PHF21A: variants seen among roughly 807,000 people sequenced by gnomAD.
The protein encoded by PHF21A is PHD finger protein 21A.
A neutral mutation model predicts 82.5 loss-of-function variants in PHF21A; 11 were observed. The ratio of observed to expected loss-of-function variants is 0.13; its 90% CI spans 0.08 to 0.22. The LOEUF is 0.22. Among genes scored for constraint, PHF21A ranks in the 10% least tolerant of loss-of-function variants. The pLI is 1.00. For missense variants in PHF21A, 579 were observed against 837.8 expected, an observed-to-expected ratio of 0.69 and a Z score of 3.81; for synonymous variants, 297 against 302.8, an observed-to-expected ratio of 0.98 and a Z score of 0.20.
intron 6 of PHF21A, among the ~76,000 whole-genome samples, chr11:46,059,404 G>A (rs1181371220): frequency 6.6e-6 from 1 of 152,154 alleles, no homozygotes; most frequent in East Asian, 1.9e-4. Context: ...AAAATAATAA[G>A]TACAATACCA....
intron 18 of PHF21A, 48 bp from the exon 19 acceptor site, chr11:45,934,273 C>G (rs1466365167): frequency 1.3e-6 from 2 of 1,573,066 alleles, no homozygotes; most frequent in African/African-American, 2.7e-5. Flanking sequence ...TGGTTTCTAA[C>G]AGGCCTGGCA....
At position 46,026,997 on chromosome 11, in the gene PHF21A, T is replaced by C. The variant is rs140345318; in HGVS notation, c.154-47031A>G. The C allele has an allele frequency of 3.3e-5, 5 of 152,286 alleles. No homozygotes were observed. In the East Asian group the frequency reaches 7.7e-4, roughly 24 times the overall value. The allele number at this position is 152,286 out of a possible 1,614,324, so 9.4% of individuals were successfully genotyped here. A position where few individuals can be genotyped will look rare whatever the true frequency, so the allele number is the denominator to read the frequency against. On this transcript the variant is annotated intron_variant, in intron 6 of 18. Transcript: ENST00000676320. Reference sequence around the variant, plus strand: ...CTCCATTTTTATGTAGGAAAAGGAATCCTTTTCTGAAAAATTAAAAGTCTG... The same window carrying C: ...CTCCATTTTTATGTAGGAAAAGGAACCCTTTTCTGAAAAATTAAAAGTCTG...
intron 6 of PHF21A, among the ~76,000 whole-genome samples, chr11:45,991,210 A>G (rs963614691): frequency 1.3e-5 from 2 of 152,174 alleles, no homozygotes; most frequent in African/African-American, 4.8e-5. Context: ...ATGGTTTGAT[A>G]GTTCATTTCT....
At position 45,938,328 on chromosome 11, in the gene PHF21A, G is replaced by A. The variant is rs375318501; in HGVS notation, c.1453-16C>T. The A allele has an allele frequency of 4.6e-5, 73 of 1,596,216 alleles. No individual in the cohort carries two copies. The highest frequency in any genetic ancestry group is 6.0e-5 in the Non-Finnish European group (70 of 1,170,978). ...GAATATCACCCTATAAAGTTGAGAG[G>A]AAAGGTAAGAAAAAGGACAAAAAAG... is the stretch of plus-strand genomic sequence containing the variant. On this transcript the variant is annotated splice_polypyrimidine_tract_variant and intron_variant, in intron 15 of 18. Coordinates refer to ENST00000676320, the MANE Select transcript of PHF21A (RefSeq NM_001352027.3).
Position 46,024,450 on chromosome 11 carries a change from G to A in PHF21A, c.154-44484C>T, listed in dbSNP as rs537426066. 2.6e-5 allele frequency among the ~76,000 whole-genome samples: 4 copies of A among 152,148 alleles called. No individual in the cohort carries two copies. The South Asian group carries it at 8.3e-4, about 32-fold the overall frequency. On this transcript the variant is annotated intron_variant, in intron 6 of 18. Coordinates refer to ENST00000676320, the MANE Select transcript of PHF21A (RefSeq NM_001352027.3). ...ATGTAATATTAAGCTTCTCTCTGAT[G>A]TGGCCACCTAGTTTAGATTCTCTTC... is the stretch of plus-strand genomic sequence containing the variant.
At chr11:45,990,416 G>A (rs530597403) in intron 6 of PHF21A, among the ~76,000 whole-genome samples, 141 of 151,556 alleles carry the variant, frequency 9.3e-4, no homozygotes, top group African/African-American at 3.2e-3. Context: ...GCACCACCAC[G>A]CCCGGCTAAT....
At chr11:46,000,923 A>AT (rs2095103553) in intron 6 of PHF21A, among the ~76,000 whole-genome samples, 1 of 151,904 alleles carries the variant, frequency 6.6e-6, no homozygotes, top group South Asian at 2.1e-4. Flanking sequence ...TCCGTCTCAA[A>AT]AAAATAAATA....
chr11:46,106,790 A>G (rs1218317593), intron 1 of PHF21A, among the ~76,000 whole-genome samples: 1 of 152,214 alleles, frequency 6.6e-6, no homozygotes, highest in Non-Finnish European at 1.5e-5. Context: ...TCTCAATGGG[A>G]GTAGAAGCTA....
chr11:45,987,990 G>A (rs1250542472), intron 6 of PHF21A, among the ~76,000 whole-genome samples: 1 of 152,182 alleles, frequency 6.6e-6, no homozygotes, highest in African/African-American at 2.4e-5. Flanking sequence ...CTGCACAGTA[G>A]CTGTCCCTGA....
chr11:45,958,658 A>G (rs1310073951), intron 10 of PHF21A, among the ~76,000 whole-genome samples: 2 of 151,804 alleles, frequency 1.3e-5, no homozygotes, highest in Admixed American at 1.3e-4. Context: ...GTTCATGCCT[A>G]TAATCCCAAC....
intron 1 of PHF21A, among the ~76,000 whole-genome samples, chr11:46,101,322 A>G (rs955211734): frequency 1.3e-5 from 2 of 152,222 alleles, no homozygotes; most frequent in East Asian, 3.8e-4. Context: ...CAATGTATGA[A>G]AAGAACATTC....
chr11:46,048,479 T>C (rs979615143), intron 6 of PHF21A, among the ~76,000 whole-genome samples: 1 of 152,162 alleles, frequency 6.6e-6, no homozygotes, highest in Non-Finnish European at 1.5e-5. Context: ...GTAGAAATTT[T>C]TGTTTGAGGG....
chr11:46,065,525 C>T (rs1211499391), intron 6 of PHF21A, among the ~76,000 whole-genome samples: 1 of 152,166 alleles, frequency 6.6e-6, no homozygotes, highest in Non-Finnish European at 1.5e-5. Flanking sequence ...AGCAAATTCT[C>T]CTTATTTGAA....
At chr11:46,036,267 A>G (rs2096001980) in intron 6 of PHF21A, among the ~76,000 whole-genome samples, 1 of 152,218 alleles carries the variant, frequency 6.6e-6, no homozygotes, top group African/African-American at 2.4e-5. Flanking sequence ...ATAACTGGAA[A>G]CACTGGAGAG....
intron 1 of PHF21A, among the ~76,000 whole-genome samples, chr11:46,110,116 C>G (rs1253116735): frequency 1.3e-5 from 2 of 152,074 alleles, no homozygotes; most frequent in Non-Finnish European, 2.9e-5. Context: ...AACCCAGCCC[C>G]TTATTGCTGA....
chr11:45,980,675 G>A (rs1389038427), intron 6 of PHF21A, among the ~76,000 whole-genome samples: 1 of 152,094 alleles, frequency 6.6e-6, no homozygotes. Flanking sequence ...ACTGGGCCCA[G>A]CTTATTATTT....
chr11:46,060,763 T>C (rs1300921785), intron 6 of PHF21A, among the ~76,000 whole-genome samples: 1 of 152,266 alleles, frequency 6.6e-6, no homozygotes, highest in African/African-American at 2.4e-5. Context: ...TCCCATTCTG[T>C]AGGCTGTCTG....
At chr11:45,960,255 T>C (rs1333197410) in intron 10 of PHF21A, among the ~76,000 whole-genome samples, 1 of 152,182 alleles carries the variant, frequency 6.6e-6, no homozygotes, top group Non-Finnish European at 1.5e-5. Context: ...CTATGCACAA[T>C]AGCCAAAAAG....
At chr11:46,099,406 C>A (rs2097056138) in intron 1 of PHF21A, among the ~76,000 whole-genome samples, 1 of 152,058 alleles carries the variant, frequency 6.6e-6, no homozygotes, top group African/African-American at 2.4e-5. Flanking sequence ...GCAAAACTAA[C>A]TAAATAAAAA....
Sources: allele counts gnomAD v4.1 joint callset (sites outside exome capture counted in the v4.1 genomes callset), GRCh38; gene constraint gnomAD v4.1.1; transcripts MANE v1.5; gene names NCBI Gene and HGNC (gene_info 2026-07-23, HGNC 2026-07-21).